The following SCHIP1 variants were observed in gnomAD, a reference collection of about 807,000 sequenced individuals.
SCHIP1 encodes the protein schwannomin interacting protein 1, also known as schwannomin-interacting protein 1.
In SCHIP1, 8 loss-of-function variants were observed where a neutral mutation model predicts 29.7. The observed-to-expected ratio is 0.27, with a 90% CI of 0.16 to 0.49. The LOEUF (loss-of-function observed/expected upper bound fraction) is 0.49. Ranked by LOEUF, SCHIP1 falls within the 20% of genes least tolerant of loss-of-function variation. The pLI is 0.99. For synonymous variants in SCHIP1, 76 were observed against 94.9 expected (o/e 0.80, Z 1.16); for missense variants, 193 against 294.6 (o/e 0.66, Z 2.52).
chr3:159,771,387 C>T, the SCHIP1 span, among the ~76,000 whole-genome samples: 1 of 152,208 alleles, frequency 6.6e-6, no homozygotes, highest in South Asian at 2.1e-4. Flanking sequence ...TGTGATTCTG[C>T]AGCCTGGGGC....
chr3:159,511,832 A>G, the SCHIP1 span, among the ~76,000 whole-genome samples: 1 of 152,210 alleles, frequency 6.6e-6, no homozygotes, highest in African/African-American at 2.4e-5. Flanking sequence ...CTTACCATAA[A>G]CACAAAATCA....
chr3:159,816,714 T>G, the SCHIP1 span, among the ~76,000 whole-genome samples: 1 of 152,208 alleles, frequency 6.6e-6, no homozygotes, highest in Non-Finnish European at 1.5e-5. Flanking sequence ...AACTCCTATA[T>G]CAGCCCTGCT....
At chr3:159,333,514 T>TACAC in the SCHIP1 span, among the ~76,000 whole-genome samples, 3,875 of 151,290 alleles carry the variant, frequency 0.026, 162 homozygotes, top group African/African-American at 0.088. Context: ...TACACAAACA[T>TACAC]ACACACACAC....
chr3:159,580,922 G>GA, the SCHIP1 span, among the ~76,000 whole-genome samples: 1 of 152,078 alleles, frequency 6.6e-6, no homozygotes, highest in Non-Finnish European at 1.5e-5. Context: ...CAGGAATGTG[G>GA]AAAAATTTAG....
chr3:159,458,080 A>G, the SCHIP1 span, among the ~76,000 whole-genome samples: 2 of 152,244 alleles, frequency 1.3e-5, no homozygotes, highest in African/African-American at 4.8e-5. Context: ...GCATTTTATC[A>G]TGCACATACT....
At chr3:159,445,284 C>T in the SCHIP1 span, among the ~76,000 whole-genome samples, 1 of 151,818 alleles carries the variant, frequency 6.6e-6, no homozygotes, top group Non-Finnish European at 1.5e-5. Context: ...AAATGCTCAC[C>T]ATCACTGGCC....
the SCHIP1 span, among the ~76,000 whole-genome samples, chr3:159,582,134 T>C: frequency 6.6e-6 from 1 of 151,978 alleles, no homozygotes. Context: ...GTTTTTTTTA[T>C]GTTGTTGGTT....
At chr3:159,573,915 T>C in the SCHIP1 span, among the ~76,000 whole-genome samples, 2 of 152,242 alleles carry the variant, frequency 1.3e-5, no homozygotes, top group Non-Finnish European at 2.9e-5. Flanking sequence ...TATTAAAGCT[T>C]GTGCATGCAT....
intron 5 of SCHIP1, among the ~76,000 whole-genome samples, chr3:159,889,266 T>G (rs1265123530): frequency 6.6e-6 from 1 of 152,246 alleles, no homozygotes; most frequent in Non-Finnish European, 1.5e-5. Flanking sequence ...TCATTTGCTA[T>G]ACAAGTATAC....
the SCHIP1 span, among the ~76,000 whole-genome samples, chr3:159,669,197 A>G: frequency 1.3e-5 from 2 of 152,180 alleles, no homozygotes; most frequent in Middle Eastern, 3.2e-3. Context: ...GGTCAAGAAC[A>G]ATGTACGTAA....
chr3:159,642,781 C>G, the SCHIP1 span, among the ~76,000 whole-genome samples: 1 of 152,078 alleles, frequency 6.6e-6, no homozygotes, highest in Non-Finnish European at 1.5e-5. Context: ...ACCTTATAGT[C>G]AGCAAGCCAA....
chr3:159,402,723 T>C, the SCHIP1 span, among the ~76,000 whole-genome samples: 1 of 152,034 alleles, frequency 6.6e-6, no homozygotes. Flanking sequence ...TAGGTGGGAA[T>C]TGAACAATGA....
At chr3:159,571,227 A>G in the SCHIP1 span, among the ~76,000 whole-genome samples, 1 of 152,152 alleles carries the variant, frequency 6.6e-6, no homozygotes, top group Non-Finnish European at 1.5e-5. Flanking sequence ...TTTTCAAGGG[A>G]ATGCTTCCAG....
the SCHIP1 span, among the ~76,000 whole-genome samples, chr3:159,769,217 T>G: frequency 6.6e-6 from 1 of 151,038 alleles, no homozygotes; most frequent in South Asian, 2.1e-4. Flanking sequence ...CTCCAGGACC[T>G]TAGTGCATCA....
chr3:159,362,973 C>T, the SCHIP1 span, among the ~76,000 whole-genome samples: 6 of 152,156 alleles, frequency 3.9e-5, no homozygotes, highest in African/African-American at 7.2e-5. Context: ...GCTGCATGAG[C>T]AAGGAAGGGT....
chr3:159,800,966 GTT>G, the SCHIP1 span, among the ~76,000 whole-genome samples: 440 of 145,016 alleles, frequency 3.0e-3, no homozygotes, highest in Middle Eastern at 7.5e-3. Flanking sequence ...AACTAAGTCT[GTT>G]TTTTTTTTTT....
the SCHIP1 span, among the ~76,000 whole-genome samples, chr3:159,573,715 G>A: frequency 6.6e-6 from 1 of 152,100 alleles, no homozygotes; most frequent in African/African-American, 2.4e-5. Flanking sequence ...TTCCATCTTG[G>A]TTCCATTCTC....
At chr3:159,657,039 C>T in the SCHIP1 span, among the ~76,000 whole-genome samples, 27 of 152,206 alleles carry the variant, frequency 1.8e-4, no homozygotes, top group Non-Finnish European at 3.8e-4. Context: ...CTGCCAATCT[C>T]GAATGCACAC....
chr3:159,802,778 T>C, the SCHIP1 span, among the ~76,000 whole-genome samples: 609 of 152,336 alleles, frequency 4.0e-3, 2 homozygotes, highest in African/African-American at 0.013. Context: ...ACAGAAAATC[T>C]AAAATGCTAG....
Sources: gnomAD v4.1 joint callset for allele counts (sites outside exome capture counted in the v4.1 genomes callset) on GRCh38, gnomAD v4.1.1 for gene constraint, MANE v1.5 for transcripts, NCBI Gene and HGNC (gene_info 2026-07-23, HGNC 2026-07-21) for gene names.